SYN1: variants seen among roughly 807,000 people sequenced by gnomAD.
The protein encoded by SYN1 is synapsin-1.
A neutral mutation model predicts 44.6 loss-of-function variants in SYN1; 8 were observed. The ratio of observed to expected loss-of-function variants is 0.18; its 90% CI spans 0.11 to 0.32. SYN1 has a LOEUF of 0.32. Ranked by LOEUF, SYN1 falls within the 10% of genes least tolerant of loss-of-function variation. The probability of loss-of-function intolerance (pLI) is 1.00; values close to 1 mark genes in which losing one functional copy is unlikely to be tolerated. For missense variants in SYN1, 451 were observed against 639.4 expected, an observed-to-expected ratio of 0.71 and a Z score of 3.18; for synonymous variants, 275 against 280.1, an observed-to-expected ratio of 0.98 and a Z score of 0.18.
At chrX:47,600,690 C>A (rs779596458) in intron 5 of SYN1, among the ~76,000 whole-genome samples, 1 of 111,598 alleles carries the variant, frequency 9.0e-6, no homozygotes, top group Non-Finnish European at 1.9e-5. Context: ...AAAATATGTT[C>A]TCTGACCACA....
chrX:47,577,594 C>T (rs1211029955), intron 5 of SYN1, 93 bp from the exon 6 acceptor site: 2 of 808,950 alleles, frequency 2.5e-6, no homozygotes, highest in African/African-American at 4.1e-5. Context: ...CCAGTGGGAA[C>T]TGCATTATGA....
chrX:47,580,460 G>A (rs2057793375), intron 5 of SYN1, among the ~76,000 whole-genome samples: 1 of 109,004 alleles, frequency 9.2e-6, no homozygotes, highest in Non-Finnish European at 1.9e-5. Context: ...GTGAAACCCC[G>A]TCTCTACTAA....
chrX:47,603,788 A>C (rs183676866), intron 5 of SYN1, among the ~76,000 whole-genome samples: 105 of 110,346 alleles, frequency 9.5e-4, no homozygotes, highest in African/African-American at 3.2e-3. Context: ...ATGATTATTC[A>C]ATTTCTACTA....
chrX:47,597,239 G>T (rs1465486513), intron 5 of SYN1, among the ~76,000 whole-genome samples: 1 of 109,526 alleles, frequency 9.1e-6, no homozygotes, highest in Non-Finnish European at 1.9e-5. Flanking sequence ...GGAGGCTGAG[G>T]CACGAGAATT....
At chrX:47,592,754 A>G (rs1208674045) in intron 5 of SYN1, among the ~76,000 whole-genome samples, 6 of 110,187 alleles carry the variant, frequency 5.4e-5, no homozygotes, top group Non-Finnish European at 1.9e-5. Context: ...AAAATATCTT[A>G]TTTTTTTTGT....
chrX:47,580,888 C>T (rs1266051201), intron 5 of SYN1, among the ~76,000 whole-genome samples: 4 of 109,590 alleles, frequency 3.6e-5, no homozygotes, highest in African/African-American at 1.0e-4. Flanking sequence ...GAGCTGAGAT[C>T]GCGCCACTGC....
At position 47,619,396 on chromosome X, in the gene SYN1, GGCTCCCCCGCGGCCT is replaced by G. The variant is rs2147933358; in HGVS notation, c.318_332del (p.Gly107_Ala111del). ...CGATGACCAGCAGCACCCTGGAGGCGGCTCCCCCGCGGCCTGCGCCCCCAGAGCCGCCGCCCACCT... is the reference window on the plus strand; with the variant it reads ...CGATGACCAGCAGCACCCTGGAGGCGGCGCCCCCAGAGCCGCCGCCCACCT... On this transcript the variant is annotated inframe_deletion, in exon 1 of 13. Coordinates refer to ENST00000295987, the MANE Select transcript of SYN1 (RefSeq NM_006950.3). 1 of 1,189,751 alleles carries G rather than the reference GGCTCCCCCGCGGCCT, an allele frequency of 8.4e-7. No individual in the cohort carries two copies. Among genetic ancestry groups the G allele is most frequent in the East Asian group, 3.0e-5 (1 of 33,273 alleles).
At chrX:47,577,348 A>C in intron 6 of SYN1, 91 bp downstream of exon 6, 1 of 988,484 alleles carries the variant, frequency 1.0e-6, no homozygotes, top group Non-Finnish European at 1.4e-6. Context: ...CTGATAGATA[A>C]CGACACCCCA....
chrX:47,587,247 C>A (rs1424524365), intron 5 of SYN1, among the ~76,000 whole-genome samples: 1 of 112,417 alleles, frequency 8.9e-6, no homozygotes, highest in African/African-American at 3.2e-5. Flanking sequence ...ATGCCCCATC[C>A]AAACACGTGG....
chrX:47,606,959 C>T lies in SYN1; in HGVS notation c.513G>A (p.Gly171=), dbSNP rs758981794. ...FSVDMEVLRN[G]VKVVRSLKPD... The stretch of plus-strand genomic sequence containing the variant: ...CTTATACTCACCGCACGACCTTCAC[C>T]CCATTCCGAAGAACTTCCATATCCA... Residue 171 remains glycine, a synonymous_variant, in exon 3 of 13, where the codon GGG becomes GGA. Transcript: ENST00000295987. 8.3e-7 allele frequency: 1 copy of T among 1,210,286 alleles called. No homozygotes were observed. The highest frequency in any genetic ancestry group is 2.2e-5 in the Admixed American group (1 of 45,893).
intron 5 of SYN1, among the ~76,000 whole-genome samples, chrX:47,582,749 G>A (rs895934083): frequency 1.1e-4 from 8 of 74,844 alleles, no homozygotes; most frequent in East Asian, 8.1e-4. Context: ...AAATCCCCCC[G>A]CAAATTCCTT....
chrX:47,583,855 C>G (rs976172552), intron 5 of SYN1, among the ~76,000 whole-genome samples: 2 of 111,844 alleles, frequency 1.8e-5, no homozygotes, highest in Admixed American at 1.9e-4. Flanking sequence ...CTTAGTACTC[C>G]TGATCTCCTG....
At chrX:47,598,827 AAAATAAAT>A (rs745400536) in intron 5 of SYN1, among the ~76,000 whole-genome samples, 87 of 109,585 alleles carry the variant, frequency 7.9e-4, no homozygotes, top group African/African-American at 2.8e-3. Context: ...ACTTTGTCTC[AAAATAAAT>A]AAATAAATAA....
intron 1 of SYN1, among the ~76,000 whole-genome samples, chrX:47,615,807 G>A (rs912050224): frequency 3.6e-5 from 4 of 110,712 alleles, no homozygotes; most frequent in African/African-American, 6.6e-5. Context: ...CAGGAGGCTC[G>A]CTTGAACCCA....
intron 5 of SYN1, among the ~76,000 whole-genome samples, chrX:47,584,665 T>A (rs2057815061): frequency 8.9e-6 from 1 of 112,320 alleles, no homozygotes; most frequent in Non-Finnish European, 1.9e-5. Context: ...CCCAGAACAA[T>A]GTCTGGCACA....
intron 5 of SYN1, among the ~76,000 whole-genome samples, chrX:47,598,400 G>GAAA (rs113657775): frequency 1.0e-5 from 1 of 100,306 alleles, no homozygotes; most frequent in Non-Finnish European, 2.1e-5. Context: ...AAACAACTAA[G>GAAA]AAAAAAAAAA....
intron 12 of SYN1, 92 bp from the exon 13 acceptor site, chrX:47,573,091 C>T (rs1273765260): frequency 9.2e-7 from 1 of 1,091,495 alleles, no homozygotes; most frequent in East Asian, 3.1e-5. Context: ...GGCCCAGCCC[C>T]AGCCCTGCCC....
chrX:47,619,519 G>A lies in SYN1; in HGVS notation c.210C>T (p.Ser70=). Residue 70 remains serine (S), a synonymous_variant, in exon 1 of 13, where the codon TCC becomes TCT. Coordinates refer to ENST00000295987, the MANE Select transcript of SYN1 (RefSeq NM_006950.3). ...ACGAGAAGAAGCCACCGCCCCCCGA[G>A]GACCCGGGGCTAGGGGCGGCCGGAG... ...AASPAAPSPG[S]SGGGGFFSSL... is the part of the protein sequence containing the mutation. The A allele has an allele frequency of 8.3e-7, 1 of 1,198,594 alleles. No individual in the cohort carries two copies. Among genetic ancestry groups the A allele is most frequent in the Non-Finnish European group, 1.1e-6 (1 of 891,766 alleles).
At chrX:47,613,915 G>A (rs769446182) in intron 1 of SYN1, among the ~76,000 whole-genome samples, 3 of 111,712 alleles carry the variant, frequency 2.7e-5, no homozygotes, top group African/African-American at 9.8e-5. Flanking sequence ...AGAATACACC[G>A]GTTTGGGGAC....
Sources: gnomAD v4.1 joint callset for allele counts (sites outside exome capture counted in the v4.1 genomes callset) on GRCh38, gnomAD v4.1.1 for gene constraint, MANE v1.5 for transcripts, NCBI Gene and HGNC (gene_info 2026-07-23, HGNC 2026-07-21) for gene names.